The following SLC35A5 variants were observed in gnomAD, a reference collection of about 807,000 sequenced individuals.
The protein encoded by SLC35A5 is UDP-sugar transporter protein SLC35A5.
A neutral mutation model predicts 36.3 loss-of-function variants in SLC35A5; 28 were observed. The observed-to-expected ratio is 0.77, with a 90% CI of 0.57 to 1.06. SLC35A5 has a LOEUF of 1.06. SLC35A5 is among the 50% of genes least tolerant of loss of function. SLC35A5 has a pLI of 0.00. For missense variants in SLC35A5, 521 were observed against 499.3 expected (o/e 1.04, Z -0.41); for synonymous variants, 180 against 173.7 (o/e 1.04, Z -0.29).
At position 112,581,069 on chromosome 3, in the gene SLC35A5, C is replaced by CT; in HGVS notation, c.955dup (p.Ser319PhefsTer11). On this transcript the variant is annotated frameshift_variant, in exon 6 of 7. Coordinates refer to ENST00000492406, the MANE Select transcript of SLC35A5 (RefSeq NM_017945.5). LOFTEE classifies it high-confidence loss of function. Reference sequence around the variant, plus strand: ...TATTTTTGTAACTGCATTCCAGGGCCTTTCAGTGGCTTTCATTCTGAAGTT... The same window carrying CT: ...TATTTTTGTAACTGCATTCCAGGGCCTTTTCAGTGGCTTTCATTCTGAAGTT... 6.2e-7 allele frequency: 1 copy of CT among 1,614,034 alleles called. No homozygotes were observed. Among genetic ancestry groups the CT allele is most frequent in the South Asian group, 1.1e-5 (1 of 91,074 alleles).
chr3:112,580,467 C>T lies in SLC35A5; in HGVS notation c.429-79C>T, dbSNP rs192158474. 2.6e-4 allele frequency: 379 copies of T among 1,446,170 alleles called. 2 individuals are homozygous for T. The African/African-American group carries it at 4.8e-3, about 18-fold the overall frequency. The allele number at this position is 1,446,170 out of a possible 1,614,324, so 89.6% of individuals were successfully genotyped here. A position where few individuals can be genotyped will look rare whatever the true frequency, so the allele number is the denominator to read the frequency against. On this transcript the variant is annotated intron_variant, in intron 5 of 6. Coordinates refer to ENST00000492406, the MANE Select transcript of SLC35A5 (RefSeq NM_017945.5). Reference sequence around the variant, plus strand: ...GGTCCAGTTTATTCAACCAAATACTCAAGTGTCTGAGTTTTCAGTAGAAAC... The same window carrying T: ...GGTCCAGTTTATTCAACCAAATACTTAAGTGTCTGAGTTTTCAGTAGAAAC...
rs577299403 is a variant in SLC35A5 at position 112,572,092 on chromosome 3, G to A, written c.360+1422G>A. Among the ~76,000 whole-genome samples the A allele has an allele frequency of 1.2e-3, 182 of 150,234 alleles. 2 individuals carry two copies. Among genetic ancestry groups the A allele is most frequent in the African/African-American group, 3.2e-3 (130 of 40,972 alleles). On this transcript the variant is annotated intron_variant, in intron 4 of 6. Coordinates refer to ENST00000492406, the MANE Select transcript of SLC35A5 (RefSeq NM_017945.5). ...CGAGTAGCTGGGACTACAGGCGCCC[G>A]CCACCGCGCCCGGCTAATTTTTTGT...
chr3:112,569,977 T>G (rs905140805), intron 3 of SLC35A5, among the ~76,000 whole-genome samples: 2 of 152,256 alleles, frequency 1.3e-5, no homozygotes, highest in Admixed American at 1.3e-4. Context: ...CTACTTTTCT[T>G]AATCTCATAA....
intron 2 of SLC35A5, among the ~76,000 whole-genome samples, chr3:112,566,547 C>G (rs191105563): frequency 6.6e-6 from 1 of 152,212 alleles, no homozygotes; most frequent in Admixed American, 6.5e-5. Context: ...GACATGCGGA[C>G]ACCAGAAAAG....
At chr3:112,574,858 G>T (rs927566395) in intron 5 of SLC35A5, among the ~76,000 whole-genome samples, 8 of 151,882 alleles carry the variant, frequency 5.3e-5, no homozygotes, top group Non-Finnish European at 1.2e-4. Flanking sequence ...TTACCCTGAG[G>T]AAACATTTAA....
At position 112,570,669 on chromosome 3, in the gene SLC35A5, C is replaced by G. The variant is rs1490091551; in HGVS notation, c.359C>G (p.Pro120Arg). 6.4e-7 allele frequency: 1 copy of G among 1,550,984 alleles called. No homozygotes were observed. Among genetic ancestry groups the G allele is most frequent in the East Asian group, 2.4e-5 (1 of 41,230 alleles). ...TTCTATGTCCTGTCCTATCTTCAACCAGTAAGTAAATATGAAAAAGAAAAT... is the reference window on the plus strand; with the variant it reads ...TTCTATGTCCTGTCCTATCTTCAACGAGTAAGTAAATATGAAAAAGAAAAT... ...IVFYVLSYLQ[P>R]AMAVIFSNFS... Residue 120 changes from proline to arginine, a missense_variant and splice_region_variant, in exon 4 of 7, where the codon CCA becomes CGA. Transcript: ENST00000492406.
At chr3:112,564,424 A>G (rs537090555) in intron 2 of SLC35A5, 1 of 152,404 alleles carries the variant, frequency 6.6e-6, no homozygotes, top group African/African-American at 2.4e-5. Flanking sequence ...TCAATGCCTT[A>G]AAGAGCAGTA....
At chr3:112,572,546 G>A (rs2107431959) in intron 4 of SLC35A5, among the ~76,000 whole-genome samples, 1 of 152,214 alleles carries the variant, frequency 6.6e-6, no homozygotes. Context: ...CTAAATTTGT[G>A]TCTCTTTTCT....
rs1559866918 is a variant in SLC35A5, at chr3:112,583,840, GTAGA to G, written c.*1109_*1112del. On this transcript the variant is annotated 3_prime_UTR_variant, in exon 7 of 7. Coordinates refer to ENST00000492406, the MANE Select transcript of SLC35A5 (RefSeq NM_017945.5). ...TTTTGCATGCAGCCAGTTAACTCTCGTAGATAGAGAAGTCAGGTGATAGATGATA... is the reference window on the plus strand; with the variant it reads ...TTTTGCATGCAGCCAGTTAACTCTCGTAGAGAAGTCAGGTGATAGATGATA... The G allele has an allele frequency of 6.6e-6, 1 of 152,038 alleles. No individual in the cohort carries two copies. The allele number at this position is 152,038 out of a possible 1,614,324, so 9.4% of individuals were successfully genotyped here.
chr3:112,581,363 C>T, intron 6 of SLC35A5, 37 bp downstream of exon 6: 1 of 1,534,502 alleles, frequency 6.5e-7, no homozygotes. Flanking sequence ...GCTTGTTCTT[C>T]CCAAATTTAA....
chr3:112,570,230 T>C (rs1934378912), intron 3 of SLC35A5, among the ~76,000 whole-genome samples: 1 of 151,776 alleles, frequency 6.6e-6, no homozygotes, highest in East Asian at 1.9e-4. Flanking sequence ...TTTTAACTTA[T>C]TTTAACTTGT....
chr3:112,577,762 C>A (rs984059652), intron 5 of SLC35A5, among the ~76,000 whole-genome samples: 1 of 152,172 alleles, frequency 6.6e-6, no homozygotes, highest in Admixed American at 6.5e-5. Flanking sequence ...AGCAGAAGAA[C>A]AAAGAGAAGT....
At chr3:112,574,012 T>C in intron 5 of SLC35A5, 56 bp downstream of exon 5, 8 of 1,423,510 alleles carry the variant, frequency 5.6e-6, no homozygotes, top group Non-Finnish European at 7.9e-6. Context: ...TAGCCCGGTT[T>C]CAAATGATAT....
chr3:112,580,501 TG>T, intron 5 of SLC35A5, 44 bp from the exon 6 acceptor site: 1 of 1,530,100 alleles, frequency 6.5e-7, no homozygotes, highest in Non-Finnish European at 8.8e-7. Flanking sequence ...ACTATTGATA[TG>T]GGGGGAAAAC....
At chr3:112,571,699 G>A (rs1215125785) in intron 4 of SLC35A5, among the ~76,000 whole-genome samples, 1 of 152,168 alleles carries the variant, frequency 6.6e-6, no homozygotes, top group Non-Finnish European at 1.5e-5. Context: ...GCAGCAGGCA[G>A]GAGAGCTTGT....
rs1479703043 is a variant in SLC35A5, at chr3:112,583,379, A to G, written c.*643A>G. On this transcript the variant is annotated 3_prime_UTR_variant, in exon 7 of 7. Transcript: ENST00000492406. ...ATTCATGGGAAATTGGATTTTTGTAATAATCTTTTGATGTTTTAAACATTG... is the reference window on the plus strand; with the variant it reads ...ATTCATGGGAAATTGGATTTTTGTAGTAATCTTTTGATGTTTTAAACATTG... 1.9e-5 allele frequency: 7 copies of G among 362,392 alleles called. No individual in the cohort carries two copies. The highest frequency in any genetic ancestry group is 1.6e-4 in the East Asian group (4 of 25,586). The allele number at this position is 362,392 out of a possible 1,614,324, so 22.4% of individuals were successfully genotyped here.
intron 1 of SLC35A5, among the ~76,000 whole-genome samples, chr3:112,562,750 G>A (rs538362002): frequency 6.6e-6 from 1 of 152,330 alleles, no homozygotes; most frequent in African/African-American, 2.4e-5. Context: ...TTATCTTACA[G>A]CAAAATTATT....
upstream of SLC35A5, chr3:112,561,907 C>T (rs747816233): frequency 2.5e-5 from 6 of 243,986 alleles, no homozygotes; most frequent in South Asian, 4.7e-5. Flanking sequence ...TCCGGCTTCC[C>T]TTCCTTCTCA....
At chr3:112,577,181 T>C (rs1234894548) in intron 5 of SLC35A5, among the ~76,000 whole-genome samples, 1 of 152,054 alleles carries the variant, frequency 6.6e-6, no homozygotes, top group Non-Finnish European at 1.5e-5. Context: ...CTGCAGGGAT[T>C]ACTTGGAGGA....
Sources: gnomAD v4.1 joint callset for allele counts (sites outside exome capture counted in the v4.1 genomes callset) on GRCh38, gnomAD v4.1.1 for gene constraint, MANE v1.5 for transcripts, NCBI Gene and HGNC (gene_info 2026-07-23, HGNC 2026-07-21) for gene names.